The following ACTN1 variants were observed in gnomAD, a reference collection of about 807,000 sequenced individuals.
The protein encoded by ACTN1 is alpha-actinin-1.
In ACTN1, 30 loss-of-function variants were observed where a neutral mutation model predicts 119.6. That is an observed-to-expected ratio of 0.25 (90% CI 0.19 to 0.34). The LOEUF is 0.34. Among genes scored for constraint, ACTN1 ranks in the 10% least tolerant of loss-of-function variants. The pLI is 1.00. For missense variants in ACTN1, 764 were observed against 1,223.4 expected (o/e 0.62, Z 5.60); for synonymous variants, 429 against 472.6 (o/e 0.91, Z 1.20).
At position 68,925,665 on chromosome 14, in the gene ACTN1, G is replaced by C. The variant is rs768393031; in HGVS notation, c.113C>G (p.Thr38Arg). The C allele has an allele frequency of 6.2e-7, 1 of 1,610,556 alleles. No individual in the cohort carries two copies. Among genetic ancestry groups the C allele is most frequent in the Non-Finnish European group, 8.5e-7 (1 of 1,178,062 alleles). The change falls in exon 2 of 22, where the codon ACG becomes AGG. Residue 38 changes from threonine (T) to arginine (R), a missense_variant. Thr to Arg is a moderately conservative substitution (Grantham distance 71). Coordinates refer to ENST00000394419, the MANE Select transcript of ACTN1 (RefSeq NM_001130004.2). This position sits in a 1 kb window ranked among gnomAD's most constrained non-coding sequence, Gnocchi z 4.3. ...AWEKQQRKTF[T>R]AWCNSHLRKA... ...CCGGAGGTGGGAGTTACACCATGCC[G>C]TGAATGTCTGGGCAGAGACAAGAAG...
Position 68,921,173 on chromosome 14 carries a change from AG to A in ACTN1, c.221-49del, listed in dbSNP as rs2034624260. The A allele has an allele frequency of 3.1e-6, 5 of 1,606,550 alleles. No homozygotes were observed. The East Asian group carries it at 1.1e-4, about 36-fold the overall frequency. ...AGAGGAAGGTGAGACGCTATGAGCC[AG>A]GGGCCAGAGCTACTACCACTACACC... On this transcript the variant is annotated intron_variant, in intron 2 of 21. Transcript: ENST00000394419.
chr14:68,902,693 C>T, intron 7 of ACTN1, 131 bp from the exon 8 acceptor site: 1 of 722,504 alleles, frequency 1.4e-6, no homozygotes, highest in Non-Finnish European at 2.4e-6. Context: ...TCTAACCAGC[C>T]TCTGGCGTCA....
intron 8 of ACTN1, among the ~76,000 whole-genome samples, chr14:68,898,331 C>T (rs1231335172): frequency 6.6e-6 from 1 of 152,214 alleles, no homozygotes; most frequent in Non-Finnish European, 1.5e-5. Context: ...CCAAAACCCA[C>T]CTGTCAAACA....
chr14:68,950,611 G>A (rs1479725807), intron 1 of ACTN1, among the ~76,000 whole-genome samples: 1 of 151,190 alleles, frequency 6.6e-6, no homozygotes, highest in Non-Finnish European at 1.5e-5. Flanking sequence ...GCCCAGTCTG[G>A]AATGCAGTGG....
chr14:68,918,730 C>T (rs1335853199), intron 3 of ACTN1, among the ~76,000 whole-genome samples: 4 of 128,350 alleles, frequency 3.1e-5, no homozygotes, highest in African/African-American at 1.1e-4. Flanking sequence ...CCCATCTCTA[C>T]TAAAAAAAAA....
intron 1 of ACTN1, among the ~76,000 whole-genome samples, chr14:68,945,293 G>A (rs1260118265): frequency 6.6e-6 from 1 of 152,078 alleles, no homozygotes; most frequent in Non-Finnish European, 1.5e-5. Flanking sequence ...TCACAGTGCA[G>A]GAGGGAAGAA....
Position 68,936,871 on chromosome 14 carries a change from C to A in ACTN1, c.106-11199G>T, listed in dbSNP as rs938178851. The A allele has an allele frequency of 8.6e-6, 5 of 580,358 alleles. No individual in the cohort carries two copies. In the African/African-American group the frequency reaches 9.4e-5, roughly 11 times the overall value. The allele number at this position is 580,358 out of a possible 1,614,324, so 36.0% of individuals were successfully genotyped here. On this transcript the variant is annotated intron_variant, in intron 1 of 21. Coordinates refer to ENST00000394419, the MANE Select transcript of ACTN1 (RefSeq NM_001130004.2). ...TGGTAGGACAACTTCTTGTGATGCT[C>A]TCTGGGAAGCCCTCAATCCCCAGCC...
At chr14:68,964,878 G>C (rs1244951063) in intron 1 of ACTN1, among the ~76,000 whole-genome samples, 1 of 152,144 alleles carries the variant, frequency 6.6e-6, no homozygotes. Context: ...GCAAACGCAA[G>C]AGCCAGTCCC....
Position 68,879,889 on chromosome 14 carries a change from G to T in ACTN1, c.2280+73C>A. 1.3e-6 allele frequency: 2 copies of T among 1,560,872 alleles called. No individual in the cohort carries two copies. The highest frequency in any genetic ancestry group is 1.2e-5 in the South Asian group (1 of 85,380). On this transcript the variant is annotated intron_variant, in intron 18 of 21. Transcript: ENST00000394419. This position sits in a 1 kb window ranked among gnomAD's most constrained non-coding sequence, Gnocchi z 4.9. ...TCACTTGCATGGCAGCCCACGTCCC[G>T]GGGAAGTGCCCTCCAGGGCCCTGGG...
intron 16 of ACTN1, among the ~76,000 whole-genome samples, chr14:68,881,694 G>T (rs563176205): frequency 6.6e-6 from 1 of 152,150 alleles, no homozygotes; most frequent in African/African-American, 2.4e-5. Flanking sequence ...GCCAAGCAGG[G>T]CCTCTTTCCT....
chr14:68,878,835 T>C lies in ACTN1; in HGVS notation c.2361+154A>G. On this transcript the variant is annotated intron_variant, in intron 19 of 21. Coordinates refer to ENST00000394419, the MANE Select transcript of ACTN1 (RefSeq NM_001130004.2). The surrounding 1 kb of genome is among the most constrained non-coding windows in gnomAD (Gnocchi z 4.4). ...CAGCAGAGGGCAGAGGGTGGACCAG[T>C]GATGGGGCAGACAGAGACAGCAGGA... The C allele has an allele frequency of 6.3e-7, 1 of 1,592,900 alleles. No homozygotes were observed. Among genetic ancestry groups the C allele is most frequent in the South Asian group, 1.1e-5 (1 of 90,064 alleles).
At chr14:68,877,287 G>T in intron 20 of ACTN1, 47 bp from the exon 21 acceptor site, 1 of 1,609,254 alleles carries the variant, frequency 6.2e-7, no homozygotes, top group East Asian at 2.2e-5. Context: ...TGGCCTGCTG[G>T]GAATATCTCA....
chr14:68,974,552 TCA>T (rs5809408), intron 1 of ACTN1, among the ~76,000 whole-genome samples: 19 of 149,504 alleles, frequency 1.3e-4, no homozygotes, highest in South Asian at 2.1e-4. Flanking sequence ...TCCTACAACA[TCA>T]CACACACACA....
At chr14:68,938,251 G>C (rs1055739435) in intron 1 of ACTN1, among the ~76,000 whole-genome samples, 2 of 152,170 alleles carry the variant, frequency 1.3e-5, no homozygotes, top group Non-Finnish European at 2.9e-5. Context: ...TGCTGAAAAA[G>C]CTGACAACCA....
chr14:68,921,736 G>C (rs975204539), intron 2 of ACTN1, among the ~76,000 whole-genome samples: 2 of 152,264 alleles, frequency 1.3e-5, no homozygotes, highest in East Asian at 3.9e-4. Flanking sequence ...GGTCACTCAA[G>C]TATTATGGAC....
rs1360894919 is a variant in ACTN1 at position 68,920,306 on chromosome 14, T to C, written c.340+700A>G. ...TGAGTGAGATTCGTTCATCTTTAGG[T>C]CTCTGACATCACGCAGCAGGTGCCC... On this transcript the variant is annotated intron_variant, in intron 3 of 21. Transcript: ENST00000394419. 2.0e-5 allele frequency among the ~76,000 whole-genome samples: 3 copies of C among 152,230 alleles called. No individual in the cohort carries two copies. The East Asian group carries it at 5.8e-4, about 29-fold the overall frequency.
chr14:68,968,592 C>T (rs555726978), intron 1 of ACTN1, among the ~76,000 whole-genome samples: 4 of 152,330 alleles, frequency 2.6e-5, no homozygotes, highest in East Asian at 1.9e-4. Flanking sequence ...GGGAAGGTTA[C>T]GGGATCAGGG....
At chr14:68,942,901 T>C (rs2035810401) in intron 1 of ACTN1, among the ~76,000 whole-genome samples, 1 of 152,120 alleles carries the variant, frequency 6.6e-6, no homozygotes, top group South Asian at 2.1e-4. Context: ...TAGGATAAAA[T>C]GTGACGGACA....
chr14:68,954,079 TCTTC>T (rs2036267876), intron 1 of ACTN1, among the ~76,000 whole-genome samples: 1 of 152,218 alleles, frequency 6.6e-6, no homozygotes, highest in African/African-American at 2.4e-5. Context: ...TACTACACTA[TCTTC>T]CTTATTTACA....
Sources: gnomAD v4.1 joint callset for allele counts (sites outside exome capture counted in the v4.1 genomes callset) on GRCh38, gnomAD v4.1.1 for gene constraint, Gnocchi (gnomAD v3.1) non-coding constraint, MANE v1.5 for transcripts, NCBI Gene and HGNC (gene_info 2026-07-23, HGNC 2026-07-21) for gene names.